The following TMCO6 variants were observed in gnomAD, a reference collection of about 807,000 sequenced individuals.
TMCO6 encodes the protein transmembrane and coiled-coil domains 6, also known as transmembrane and coiled-coil domain-containing protein 6.
TMCO6 carries 47 observed loss-of-function variants against 61.8 expected under a neutral mutation model. The observed-to-expected ratio is 0.76, with a 90% confidence interval of 0.60 to 0.97. TMCO6 has a LOEUF of 0.97. TMCO6 is among the 50% of genes least tolerant of loss of function. The pLI, the probability that TMCO6 is intolerant of heterozygous loss-of-function variation, is 0.00. For synonymous variants in TMCO6, 261 were observed against 254.2 expected (o/e 1.03, Z -0.25); for missense variants, 557 against 601.6 (o/e 0.93, Z 0.78).
At chr5:140,645,748 C>A (rs748842552), downstream of TMCO6, 2 of 1,608,540 alleles carry the variant, frequency 1.2e-6, no homozygotes, top group Admixed American at 1.7e-5. Flanking sequence ...AATAAAAGAT[C>A]TTTGTCTTTA....
At chr5:140,608,731 C>T in the TMCO6 span, among the ~76,000 whole-genome samples, 1 of 152,136 alleles carries the variant, frequency 6.6e-6, no homozygotes, top group African/African-American at 2.4e-5. Flanking sequence ...ATCCAGGTGT[C>T]CCTTTGCCAT....
At position 140,643,643 on chromosome 5, in the gene TMCO6, G is replaced by A; in HGVS notation, c.886G>A (p.Val296Ile). Residue 296 changes from valine (V) to isoleucine (I), a missense_variant, in exon 8 of 12, where the codon GTC (valine) becomes ATC (isoleucine). By Grantham distance (29) the Val-to-Ile change is conservative (BLOSUM62 3). Coordinates refer to ENST00000394671, the MANE Select transcript of TMCO6 (RefSeq NM_018502.5). ...GCTGCTGTTGGACTTGGCTGGGGCTGTCCAGAAAACCGAGGATGCAGGACT... is the reference window on the plus strand; with the variant it reads ...GCTGCTGTTGGACTTGGCTGGGGCTATCCAGAAAACCGAGGATGCAGGACT... ...GLLLLDLAGA[V>I]QKTEDAGLEL... is the part of the protein sequence containing the mutation. 2 of 1,613,522 alleles carry A rather than the reference G, an allele frequency of 1.2e-6. No homozygotes were observed. The highest frequency in any genetic ancestry group is 1.7e-6 in the Non-Finnish European group (2 of 1,179,708).
chr5:140,609,517 T>C, the TMCO6 span: 1 of 156,738 alleles, frequency 6.4e-6, no homozygotes, highest in Non-Finnish European at 1.4e-5. Flanking sequence ...GTTCATCTGT[T>C]TGGGACCCAC....
At chr5:140,623,668 A>C in the TMCO6 span, among the ~76,000 whole-genome samples, 497 of 152,360 alleles carry the variant, frequency 3.3e-3, 3 homozygotes, top group Non-Finnish European at 5.5e-3. Flanking sequence ...CTTATAACTT[A>C]GGCCTCAAAC....
upstream of TMCO6, chr5:140,638,830 T>A (rs914406618): frequency 6.6e-6 from 1 of 152,342 alleles, no homozygotes; most frequent in Admixed American, 6.5e-5. Flanking sequence ...GTGCTGGGAT[T>A]ACAGGCATGA....
the TMCO6 span, among the ~76,000 whole-genome samples, chr5:140,604,558 C>A: frequency 1.3e-5 from 2 of 151,670 alleles, no homozygotes; most frequent in South Asian, 4.2e-4. Flanking sequence ...CTTTGATGCA[C>A]CAAAGTTTTT....
rs777228100 is a variant in TMCO6 at position 140,642,932 on chromosome 5, T to G, written c.697T>G (p.Leu233Val). The change falls in exon 7 of 12, where the codon TTG (leucine) becomes GTG (valine). Residue 233 changes from leucine (L) to valine (V), a missense_variant. Coordinates refer to ENST00000394671, the MANE Select transcript of TMCO6 (RefSeq NM_018502.5). ...CCCTGCTTCTGCCAGCAGCTCCATCTTGGCCTCCACTCTCCCTCAGCACAT... is the reference window on the plus strand; with the variant it reads ...CCCTGCTTCTGCCAGCAGCTCCATCGTGGCCTCCACTCTCCCTCAGCACAT... ...EAPEKIIPSI[L>V]ASTLPQHMLQ... 2.5e-6 allele frequency: 4 copies of G among 1,614,046 alleles called. No homozygotes were observed. Among genetic ancestry groups the G allele is most frequent in the African/African-American group, 2.7e-5 (2 of 74,918 alleles).
At chr5:140,613,766 T>C in the TMCO6 span, among the ~76,000 whole-genome samples, 8 of 152,090 alleles carry the variant, frequency 5.3e-5, no homozygotes, top group African/African-American at 1.9e-4. Flanking sequence ...AGTGGTGCAA[T>C]CATAGTTCAT....
upstream of TMCO6, among the ~76,000 whole-genome samples, chr5:140,635,324 G>T (rs5744448): frequency 0.035 from 5,330 of 152,322 alleles, 237 homozygotes; most frequent in African/African-American, 0.11. Flanking sequence ...TACGACTGAG[G>T]TTATGAGACT....
the TMCO6 span, chr5:140,633,796 T>A: frequency 6.6e-6 from 1 of 150,436 alleles, no homozygotes; most frequent in African/African-American, 2.4e-5. Flanking sequence ...TTTCTTTTTT[T>A]TTTTTTTTTT....
chr5:140,625,511 A>T, the TMCO6 span, among the ~76,000 whole-genome samples: 1 of 152,282 alleles, frequency 6.6e-6, no homozygotes, highest in South Asian at 2.1e-4. Flanking sequence ...AAGTCACCTC[A>T]TGTGAGGTCT....
chr5:140,645,657 A>G, downstream of TMCO6: 10 of 1,614,168 alleles, frequency 6.2e-6, no homozygotes, highest in Non-Finnish European at 8.5e-6. Context: ...GTTCAAAGGG[A>G]CATTCGTCTC....
chr5:140,608,448 G>C, the TMCO6 span, among the ~76,000 whole-genome samples: 4 of 152,132 alleles, frequency 2.6e-5, no homozygotes, highest in Non-Finnish European at 5.9e-5. Context: ...CCATTTTGTA[G>C]GTTGTCTTTT....
At chr5:140,621,931 C>G in the TMCO6 span, among the ~76,000 whole-genome samples, 3 of 152,192 alleles carry the variant, frequency 2.0e-5, no homozygotes, top group Non-Finnish European at 4.4e-5. Context: ...TCTCAAAACC[C>G]TGTCTCCTGA....
chr5:140,607,998 C>T, the TMCO6 span, among the ~76,000 whole-genome samples: 2 of 152,064 alleles, frequency 1.3e-5, no homozygotes, highest in African/African-American at 2.4e-5. Flanking sequence ...CTATGTTGGC[C>T]AGGCTGGTCT....
At chr5:140,639,639 G>A (rs941955647) in intron 1 of TMCO6, 27 bp downstream of exon 1, 2 of 1,539,806 alleles carry the variant, frequency 1.3e-6, no homozygotes, top group South Asian at 1.2e-5. Context: ...GAGCGCGGGG[G>A]TATATGGCGG....
chr5:140,596,989 A>G, the TMCO6 span, among the ~76,000 whole-genome samples: 1 of 152,212 alleles, frequency 6.6e-6, no homozygotes, highest in Non-Finnish European at 1.5e-5. Flanking sequence ...CCTGCCTTGC[A>G]CAACTCATTA....
chr5:140,643,098 A>C, intron 7 of TMCO6, 57 bp downstream of exon 7: 1 of 1,609,906 alleles, frequency 6.2e-7, no homozygotes, highest in South Asian at 1.1e-5. Context: ...CTTCCATGAC[A>C]TTCAACTCTT....
the TMCO6 span, among the ~76,000 whole-genome samples, chr5:140,615,112 C>G: frequency 1.3e-5 from 2 of 152,076 alleles, no homozygotes; most frequent in African/African-American, 4.8e-5. Context: ...TTGCAGGATA[C>G]AAAATCAACA....
Sources: gnomAD v4.1 joint callset for allele counts (sites outside exome capture counted in the v4.1 genomes callset) on GRCh38, gnomAD v4.1.1 for gene constraint, MANE v1.5 for transcripts, NCBI Gene and HGNC (gene_info 2026-07-23, HGNC 2026-07-21) for gene names.